The following PDE12 variants were observed in gnomAD, a reference collection of about 807,000 sequenced individuals.
PDE12 encodes the protein 2',5'-phosphodiesterase 12.
A neutral mutation model predicts 45.4 loss-of-function variants in PDE12; 26 were observed. That is an observed-to-expected ratio of 0.57 (90% confidence interval 0.42 to 0.79). The LOEUF is 0.79. Ranked by LOEUF, PDE12 falls within the 30% of genes least tolerant of loss-of-function variation. PDE12 has a pLI of 0.00. For synonymous variants in PDE12, 283 were observed against 323.9 expected (o/e 0.87, Z 1.36); for missense variants, 668 against 790.0 (o/e 0.85, Z 1.85).
the PDE12 span, among the ~76,000 whole-genome samples, chr3:57,602,143 C>A: frequency 2.6e-5 from 4 of 152,168 alleles, no homozygotes; most frequent in African/African-American, 9.7e-5. Context: ...TGAGCACTTA[C>A]AATATGCCAT....
At chr3:57,649,477 C>T in the PDE12 span, among the ~76,000 whole-genome samples, 1 of 150,062 alleles carries the variant, frequency 6.7e-6, no homozygotes. Flanking sequence ...GTAGATCTAC[C>T]ATTTGATCCA....
chr3:57,585,117 G>A, the PDE12 span, among the ~76,000 whole-genome samples: 1 of 152,094 alleles, frequency 6.6e-6, no homozygotes, highest in African/African-American at 2.4e-5. Context: ...GCCAGCCTGG[G>A]CCTGCCAATG....
chr3:57,579,973 T>A, the PDE12 span, among the ~76,000 whole-genome samples: 4 of 151,986 alleles, frequency 2.6e-5, no homozygotes, highest in African/African-American at 9.7e-5. Context: ...TGGTGGCACA[T>A]GTCTATAGTC....
chr3:57,645,436 G>C, the PDE12 span, among the ~76,000 whole-genome samples: 1 of 152,154 alleles, frequency 6.6e-6, no homozygotes, highest in Non-Finnish European at 1.5e-5. Flanking sequence ...ACTCCAGCCT[G>C]GGCGACAGAG....
rs2069664326 is a variant in PDE12, at chr3:57,556,671, A to G, written c.292A>G (p.Ser98Gly). Residue 98 changes from serine to glycine, a missense_variant, in exon 1 of 3, where the codon AGC becomes GGC. Transcript: ENST00000311180. This position sits in a 1 kb window ranked among gnomAD's most constrained non-coding sequence, Gnocchi z 5.0. ...KAAAAKKSRK[S>G]RPNASGGAAC... ...GGCCGCCGCCAAGAAGAGCAGGAAG[A>G]GCCGGCCGAATGCTAGCGGCGGTGC... 1.3e-6 allele frequency: 2 copies of G among 1,598,882 alleles called. No individual in the cohort carries two copies. The highest frequency in any genetic ancestry group is 1.7e-5 in the Admixed American group (1 of 59,336).
chr3:57,624,371 CG>C, the PDE12 span, among the ~76,000 whole-genome samples: 4 of 151,976 alleles, frequency 2.6e-5, no homozygotes, highest in African/African-American at 9.7e-5. Context: ...AGGATGGTCT[CG>C]ATCTCCTGAC....
At chr3:57,577,213 T>C in the PDE12 span, 1 of 909,634 alleles carries the variant, frequency 1.1e-6, no homozygotes, top group Non-Finnish European at 1.8e-6. Context: ...GCCCCCCCAA[T>C]CCATTTGTGT....
Position 57,563,512 on chromosome 3 carries a change from T to C in PDE12, c.*3508T>C, listed in dbSNP as rs1323830656. 6.6e-6 allele frequency: 1 copy of C among 152,076 alleles called. No homozygotes were observed. The highest frequency in any genetic ancestry group is 1.5e-5 in the Non-Finnish European group (1 of 68,016). The allele number at this position is 152,076 out of a possible 1,614,324, so 9.4% of individuals were successfully genotyped here. ...GCTATCCCTCCCCCAGCCCTGAAAA[T>C]GAATTTTTTAAACACAAATAAAAAA... On this transcript the variant is annotated 3_prime_UTR_variant, in exon 3 of 3. Coordinates refer to ENST00000311180, the MANE Select transcript of PDE12 (RefSeq NM_177966.7).
downstream of PDE12, among the ~76,000 whole-genome samples, chr3:57,570,240 G>GTTTTTTTTTTTTTTTTTTTTTTTT (rs2069826214): frequency 2.3e-5 from 2 of 86,684 alleles, 1 homozygote; most frequent in African/African-American, 1.3e-4. Flanking sequence ...TTTTTTTTTT[G>GTTTTTTTTTTTTTTTTTTTTTTTT]GAGACAGAGT....
At chr3:57,639,905 A>G in the PDE12 span, among the ~76,000 whole-genome samples, 1 of 152,200 alleles carries the variant, frequency 6.6e-6, no homozygotes, top group East Asian at 1.9e-4. Context: ...ACCAGAAGGA[A>G]TATCTTGTAA....
At chr3:57,591,126 GA>G in the PDE12 span, among the ~76,000 whole-genome samples, 2 of 152,122 alleles carry the variant, frequency 1.3e-5, no homozygotes, top group African/African-American at 4.8e-5. Context: ...TGCTAGTGGG[GA>G]TGTAAACGAG....
chr3:57,615,544 G>A, the PDE12 span, among the ~76,000 whole-genome samples: 2 of 152,114 alleles, frequency 1.3e-5, no homozygotes, highest in Non-Finnish European at 2.9e-5. Context: ...ATATAGGCCA[G>A]GCGTGAGCCA....
At chr3:57,590,125 AAAT>A in the PDE12 span, among the ~76,000 whole-genome samples, 8 of 147,186 alleles carry the variant, frequency 5.4e-5, no homozygotes, top group Admixed American at 5.4e-4. Flanking sequence ...ATAAATAAAT[AAAT>A]AAATAAAACA....
the PDE12 span, chr3:57,575,613 G>T: frequency 6.2e-7 from 1 of 1,613,418 alleles, no homozygotes; most frequent in Non-Finnish European, 8.5e-7. Flanking sequence ...ATAGCATTTG[G>T]CAAATCCTGT....
the PDE12 span, among the ~76,000 whole-genome samples, chr3:57,598,932 A>T: frequency 2.0e-5 from 3 of 152,208 alleles, no homozygotes; most frequent in Admixed American, 6.5e-5. Flanking sequence ...ACCTTCTTGT[A>T]TCCTTTTGTG....
chr3:57,577,228 T>C, the PDE12 span: 1 of 1,078,542 alleles, frequency 9.3e-7, no homozygotes, highest in East Asian at 2.4e-5. Flanking sequence ...TTGTGTAATC[T>C]AATCATAGTC....
chr3:57,568,583 C>CTT (rs764411740), downstream of PDE12, among the ~76,000 whole-genome samples: 37 of 136,644 alleles, frequency 2.7e-4, no homozygotes, highest in African/African-American at 9.1e-4. Flanking sequence ...AGATACACTT[C>CTT]TTTTTTTTTT....
chr3:57,597,264 G>C, the PDE12 span: 1 of 972,296 alleles, frequency 1.0e-6, no homozygotes, highest in Non-Finnish European at 1.6e-6. Flanking sequence ...AAGAAAGAGG[G>C]AGGCAGAAAC....
chr3:57,611,130 A>G, the PDE12 span, among the ~76,000 whole-genome samples: 1 of 152,136 alleles, frequency 6.6e-6, no homozygotes, highest in Admixed American at 6.6e-5. Context: ...CAAGAAATGG[A>G]GAAAGGATTC....
Sources: allele counts gnomAD v4.1 joint callset (sites outside exome capture counted in the v4.1 genomes callset), GRCh38; gene constraint gnomAD v4.1.1; non-coding constraint Gnocchi (gnomAD v3.1); transcripts MANE v1.5; gene names NCBI Gene and HGNC (gene_info 2026-07-23, HGNC 2026-07-21).